The following POU6F2 variants were observed in gnomAD, a reference collection of about 807,000 sequenced individuals.
The protein encoded by POU6F2 is POU domain, class 6, transcription factor 2.
POU6F2 carries 31 observed loss-of-function variants against 71.3 expected under a neutral mutation model. The ratio of observed to expected loss-of-function variants is 0.43; its 90% CI spans 0.33 to 0.59. The LOEUF is 0.59. POU6F2 is among the 20% of genes least tolerant of loss of function. The pLI is 0.04. For missense variants in POU6F2, 783 were observed against 856.8 expected (o/e 0.91, Z 1.07); for synonymous variants, 347 against 355.7 (o/e 0.98, Z 0.27).
At chr7:39,461,303 A>C (rs1329421345) in intron 9 of POU6F2, among the ~76,000 whole-genome samples, 1 of 152,194 alleles carries the variant, frequency 6.6e-6, no homozygotes, top group Non-Finnish European at 1.5e-5. Context: ...ATCTGGCCTA[A>C]CCTTGCTCAT....
At chr7:39,225,956 T>TAA (rs111487597) in intron 4 of POU6F2, among the ~76,000 whole-genome samples, 3 of 148,106 alleles carry the variant, frequency 2.0e-5, no homozygotes, top group Non-Finnish European at 3.0e-5. Flanking sequence ...TTAATTCCTT[T>TAA]AAAAAAAAAA....
chr7:39,220,061 C>A (rs1167232169), intron 4 of POU6F2, among the ~76,000 whole-genome samples: 1 of 152,140 alleles, frequency 6.6e-6, no homozygotes, highest in Non-Finnish European at 1.5e-5. Flanking sequence ...TTGACAGCAG[C>A]CAAATAATTG....
intron 4 of POU6F2, among the ~76,000 whole-genome samples, chr7:39,304,052 T>C (rs1473726436): frequency 6.6e-6 from 1 of 152,180 alleles, no homozygotes; most frequent in Non-Finnish European, 1.5e-5. Context: ...TCAAATGGGA[T>C]TAGGTGTTTC....
intron 4 of POU6F2, among the ~76,000 whole-genome samples, chr7:39,253,362 T>C (rs1301834226): frequency 1.3e-5 from 2 of 151,584 alleles, no homozygotes; most frequent in South Asian, 4.2e-4. Context: ...TTGAGTGAGG[T>C]GCTGGGGAGC....
In POU6F2 at chr7:39,084,526, T is replaced by C. The variant is rs1384138973; in HGVS notation, c.106-1334T>C. Among the ~76,000 whole-genome samples the C allele has an allele frequency of 2.0e-5, 3 of 152,120 alleles. No homozygotes were observed. In the East Asian group the frequency reaches 5.8e-4, roughly 29 times the overall value. On this transcript the variant is annotated intron_variant, in intron 1 of 9. Coordinates refer to ENST00000518318, the MANE Select transcript of POU6F2 (RefSeq NM_001370959.1). ...CTACAGTATTTGAAGAAGAAGTGCA[T>C]TGATGCACAGAGTCCAATATTTAAG...
At chr7:39,002,511 C>T (rs1409160943) in intron 1 of POU6F2, among the ~76,000 whole-genome samples, 2 of 152,162 alleles carry the variant, frequency 1.3e-5, no homozygotes, top group African/African-American at 2.4e-5. Context: ...CTATGCCTGG[C>T]TAATTTTTAT....
intron 2 of POU6F2, among the ~76,000 whole-genome samples, chr7:39,103,800 C>A (rs1039166644): frequency 6.6e-6 from 1 of 152,146 alleles, no homozygotes; most frequent in African/African-American, 2.4e-5. Context: ...ATGTTCATGA[C>A]CTCCAGGCTT....
At chr7:38,987,527 T>C (rs1202633103) in intron 1 of POU6F2, among the ~76,000 whole-genome samples, 1 of 152,158 alleles carries the variant, frequency 6.6e-6, no homozygotes, top group South Asian at 2.1e-4. Context: ...CAGTTAAATT[T>C]CTGTTTTCTG....
At chr7:39,329,082 G>A (rs781331793) in intron 4 of POU6F2, 23 of 155,938 alleles carry the variant, frequency 1.5e-4, no homozygotes, top group Non-Finnish European at 2.6e-4. Context: ...TTTATCCCAT[G>A]TGTATAATTG....
intron 4 of POU6F2, among the ~76,000 whole-genome samples, chr7:39,288,774 G>A (rs1784695695): frequency 6.6e-6 from 1 of 152,132 alleles, no homozygotes; most frequent in Non-Finnish European, 1.5e-5. Context: ...CTCAGTCAAT[G>A]TTGGCCACCG....
intron 1 of POU6F2, among the ~76,000 whole-genome samples, chr7:39,017,709 A>G (rs1347607815): frequency 6.6e-6 from 1 of 152,064 alleles, no homozygotes; most frequent in Admixed American, 6.6e-5. Context: ...GCATGCTGTC[A>G]TCTCAGAGGC....
intron 5 of POU6F2, among the ~76,000 whole-genome samples, chr7:39,376,160 T>C (rs1023023345): frequency 6.6e-5 from 10 of 152,180 alleles, no homozygotes; most frequent in Non-Finnish European, 1.5e-4. Context: ...ATTATTGACT[T>C]GATTCTGTTC....
chr7:39,260,438 C>T (rs1181377374), intron 4 of POU6F2, among the ~76,000 whole-genome samples: 1 of 150,862 alleles, frequency 6.6e-6, no homozygotes, highest in Non-Finnish European at 1.5e-5. Flanking sequence ...ATACACACAC[C>T]CCATACACAT....
intron 4 of POU6F2, among the ~76,000 whole-genome samples, chr7:39,225,516 C>A (rs1036857562): frequency 6.6e-6 from 1 of 152,072 alleles, no homozygotes; most frequent in African/African-American, 2.4e-5. Context: ...ACCTGGATTT[C>A]GAAGCATGTT....
At chr7:39,215,678 T>C (rs931499546) in intron 4 of POU6F2, among the ~76,000 whole-genome samples, 1 of 151,992 alleles carries the variant, frequency 6.6e-6, no homozygotes, top group Non-Finnish European at 1.5e-5. Context: ...GGGAGTGAAG[T>C]AGATGGAGGT....
intron 4 of POU6F2, among the ~76,000 whole-genome samples, chr7:39,216,906 A>G (rs996925426): frequency 3.9e-5 from 6 of 151,982 alleles, no homozygotes; most frequent in African/African-American, 1.5e-4. Flanking sequence ...ATTTGATCCC[A>G]ATTGTTTAAA....
At position 39,464,493 on chromosome 7, in the gene POU6F2, A is replaced by G. The variant is rs765921378; in HGVS notation, c.1970A>G (p.Lys657Arg). 3.5e-5 allele frequency: 57 copies of G among 1,613,802 alleles called. No homozygotes were observed. Among genetic ancestry groups the G allele is most frequent in the Non-Finnish European group, 2.5e-6 (3 of 1,179,850 alleles). The change falls in exon 10 of 10, where the codon AAG (lysine) becomes AGG (arginine). Residue 657 changes from lysine to arginine, a missense_variant. This residue lies in a region of POU6F2 where 211 missense variants were observed against 283.9 expected (regional missense o/e 0.74). Transcript: ENST00000518318. The surrounding 1 kb of genome is among the most constrained non-coding windows in gnomAD (Gnocchi z 4.1). ...GAGATCCTCAATGCCCACTTTGAGA[A>G]GAACACACACCCTTCTGGGCAGGAA... ...ALEILNAHFE[K>R]NTHPSGQEMT...
chr7:39,091,187 T>C (rs1791357729), intron 2 of POU6F2, among the ~76,000 whole-genome samples: 1 of 152,200 alleles, frequency 6.6e-6, no homozygotes, highest in African/African-American at 2.4e-5. Flanking sequence ...GAGGCACTGG[T>C]GTTCAAACTT....
In POU6F2 at chr7:39,466,235, A is replaced by C. The variant is rs1267233778; in HGVS notation, c.*1549A>C. The stretch of plus-strand genomic sequence containing the variant: ...AAAGAAAAAAATATAGAAGGGGCTT[A>C]TCTAACAATCAGAATAGCCTGCAAT... On this transcript the variant is annotated 3_prime_UTR_variant, in exon 10 of 10. Transcript: ENST00000518318. The C allele has an allele frequency of 6.6e-6, 1 of 152,368 alleles. No individual in the cohort carries two copies. The highest frequency in any genetic ancestry group is 1.9e-4 in the East Asian group (1 of 5,190). 9.4% of individuals were successfully genotyped at this position (152,368 alleles called of 1,614,324 possible).
Sources: allele counts gnomAD v4.1 joint callset (sites outside exome capture counted in the v4.1 genomes callset), GRCh38; gene constraint gnomAD v4.1.1; regional missense constraint gnomAD v4.1.1; non-coding constraint Gnocchi (gnomAD v3.1); transcripts MANE v1.5; gene names NCBI Gene and HGNC (gene_info 2026-07-23, HGNC 2026-07-21).